ABI1: variants seen among roughly 807,000 people sequenced by gnomAD.
The protein encoded by ABI1 is Abelson interactor 1.
ABI1 carries 14 observed loss-of-function variants against 54.6 expected under a neutral mutation model. The ratio of observed to expected loss-of-function variants is 0.26; its 90% CI spans 0.17 to 0.40. ABI1 has a LOEUF of 0.40. Among genes scored for constraint, ABI1 ranks in the 10% least tolerant of loss-of-function variants. ABI1 has a pLI of 1.00. For missense variants in ABI1, 443 were observed against 598.3 expected (o/e 0.74, Z 2.71); for synonymous variants, 194 against 209.3 (o/e 0.93, Z 0.63).
intron 1 of ABI1, among the ~76,000 whole-genome samples, chr10:26,825,694 T>C (rs1320626274): frequency 6.6e-6 from 1 of 151,960 alleles, no homozygotes; most frequent in Non-Finnish European, 1.5e-5. Context: ...TTTTAATGAG[T>C]CAATCCTTTC....
chr10:26,848,303 A>G (rs1291787987), intron 1 of ABI1, among the ~76,000 whole-genome samples: 1 of 151,896 alleles, frequency 6.6e-6, no homozygotes, highest in Non-Finnish European at 1.5e-5. Context: ...ATTTCTTCAC[A>G]TCTAATTTGG....
intron 1 of ABI1, among the ~76,000 whole-genome samples, chr10:26,826,336 G>C (rs192573430): frequency 2.6e-5 from 4 of 152,126 alleles, no homozygotes; most frequent in Non-Finnish European, 5.9e-5. Flanking sequence ...CTTTTTATCC[G>C]AGCAGGTCTC....
At chr10:26,777,927 T>C (rs1321395578) in intron 2 of ABI1, among the ~76,000 whole-genome samples, 2 of 152,088 alleles carry the variant, frequency 1.3e-5, no homozygotes, top group African/African-American at 4.8e-5. Context: ...TAATGACATA[T>C]GCACAGTTCA....
intron 1 of ABI1, among the ~76,000 whole-genome samples, chr10:26,825,399 G>A (rs1336212983): frequency 1.3e-5 from 2 of 152,082 alleles, no homozygotes; most frequent in Non-Finnish European, 2.9e-5. Context: ...CATGGCTCAC[G>A]CCTGTAATCC....
At chr10:26,809,283 AATTACTAGTC>A (rs1457544036) in intron 2 of ABI1, among the ~76,000 whole-genome samples, 1 of 151,884 alleles carries the variant, frequency 6.6e-6, no homozygotes, top group East Asian at 1.9e-4. Flanking sequence ...AAAAAAAAAA[AATTACTAGTC>A]CTCACAGTAA....
At chr10:26,816,850 T>C (rs1428168699) in intron 2 of ABI1, among the ~76,000 whole-genome samples, 2 of 152,316 alleles carry the variant, frequency 1.3e-5, no homozygotes, top group African/African-American at 4.8e-5. Flanking sequence ...CCATTTTTTA[T>C]AATCTCCAAT....
At position 26,755,686 on chromosome 10, in the gene ABI1, G is replaced by A. The variant is rs1394593062; in HGVS notation, c.1053C>T (p.Leu351=). ...PMPQLTPQIP[L]TGFVARVQEN... is the part of the protein sequence containing the mutation. ...CCTGCACCCTGGCCACGAAGCCTGT[G>A]AGAGGTATCTGTGGAGTCAACTGAG... Residue 351 remains leucine, a synonymous_variant, in exon 9 of 11, where the codon CTC becomes CTT. Transcript: ENST00000376140. The A allele has an allele frequency of 6.2e-7, 1 of 1,613,672 alleles. No individual in the cohort carries two copies. Among genetic ancestry groups the A allele is most frequent in the Admixed American group, 1.7e-5 (1 of 59,986 alleles).
At chr10:26,754,948 C>G (rs1052340501) in intron 9 of ABI1, among the ~76,000 whole-genome samples, 11 of 146,702 alleles carry the variant, frequency 7.5e-5, no homozygotes, top group African/African-American at 2.4e-4. Flanking sequence ...CTTCTCCCCC[C>G]CCACAAAAAA....
rs72629735 is a variant in ABI1, at chr10:26,844,037, A to G, written c.117+16710T>C. On this transcript the variant is annotated intron_variant, in intron 1 of 10. Transcript: ENST00000376140. Reference sequence around the variant, plus strand: ...GTGTTAAATTTAAAACACGGTTTCTATTTTCAAATCTGGGAAACACTGATC... The same window carrying G: ...GTGTTAAATTTAAAACACGGTTTCTGTTTTCAAATCTGGGAAACACTGATC... 0.018 allele frequency among the ~76,000 whole-genome samples: 2,716 copies of G among 152,248 alleles called. 192 individuals are homozygous for G. In the South Asian group the frequency reaches 0.19, roughly 11 times the overall value.
intron 3 of ABI1, 130 bp downstream of exon 3, chr10:26,776,935 A>T: frequency 1.2e-6 from 1 of 828,516 alleles, no homozygotes; most frequent in Non-Finnish European, 1.8e-6. Flanking sequence ...TTCATATTAA[A>T]TATTGTATGA....
At chr10:26,843,330 T>C (rs2049677467) in intron 1 of ABI1, among the ~76,000 whole-genome samples, 5 of 150,582 alleles carry the variant, frequency 3.3e-5, no homozygotes, top group East Asian at 2.0e-4. Flanking sequence ...GGCATGCACC[T>C]GTAGTCCCAG....
intron 1 of ABI1, among the ~76,000 whole-genome samples, chr10:26,848,586 T>C (rs2050161585): frequency 6.7e-6 from 1 of 148,644 alleles, no homozygotes; most frequent in Non-Finnish European, 1.5e-5. Context: ...ATTAGCACAG[T>C]ATGCAATATA....
At chr10:26,835,110 A>C (rs887351724) in intron 1 of ABI1, among the ~76,000 whole-genome samples, 10 of 146,974 alleles carry the variant, frequency 6.8e-5, no homozygotes, top group African/African-American at 1.0e-4. Context: ...AAAAAAAAAA[A>C]AAAAACCCAC....
rs994406346 is a variant in ABI1 at position 26,860,381 on chromosome 10, G to A, written c.117+366C>T. On this transcript the variant is annotated intron_variant, in intron 1 of 10. Transcript: ENST00000376140. This position sits in a 1 kb window ranked among gnomAD's most constrained non-coding sequence, Gnocchi z 4.1. Reference sequence around the variant, plus strand: ...GCGGCGGCAGCTCGGGGGTATTCCGGGACTCCAGCCCTGCGGACTGGAGGC... The same window carrying A: ...GCGGCGGCAGCTCGGGGGTATTCCGAGACTCCAGCCCTGCGGACTGGAGGC... 2.0e-5 allele frequency among the ~76,000 whole-genome samples: 3 copies of A among 152,040 alleles called. No homozygotes were observed. Among genetic ancestry groups the A allele is most frequent in the African/African-American group, 4.8e-5 (2 of 41,396 alleles).
intron 1 of ABI1, among the ~76,000 whole-genome samples, chr10:26,851,757 G>A (rs1177481124): frequency 6.6e-6 from 1 of 151,948 alleles, no homozygotes; most frequent in African/African-American, 2.4e-5. Flanking sequence ...AGAATAGGGT[G>A]AGCGAGGATA....
intron 2 of ABI1, among the ~76,000 whole-genome samples, chr10:26,808,877 G>T (rs193266238): frequency 6.3e-4 from 96 of 152,086 alleles, no homozygotes; most frequent in African/African-American, 2.1e-3. Flanking sequence ...AGGAGTAGGG[G>T]AGAAGGGGGA....
At chr10:26,823,916 C>G (rs2048144322) in intron 1 of ABI1, among the ~76,000 whole-genome samples, 1 of 151,356 alleles carries the variant, frequency 6.6e-6, no homozygotes, top group Non-Finnish European at 1.5e-5. Flanking sequence ...GAAGGGGAAT[C>G]AACAACTTAC....
chr10:26,807,783 A>G (rs2046967724), intron 2 of ABI1, among the ~76,000 whole-genome samples: 1 of 152,178 alleles, frequency 6.6e-6, no homozygotes, highest in Admixed American at 6.5e-5. Flanking sequence ...AGCATGGTGC[A>G]AAACTAGCTA....
chr10:26,789,373 A>G (rs1347454466), intron 2 of ABI1, among the ~76,000 whole-genome samples: 1 of 152,216 alleles, frequency 6.6e-6, no homozygotes, highest in Non-Finnish European at 1.5e-5. Flanking sequence ...AGGGGGAATC[A>G]CCTTTTAAAG....
Sources: allele counts gnomAD v4.1 joint callset (sites outside exome capture counted in the v4.1 genomes callset), GRCh38; gene constraint gnomAD v4.1.1; non-coding constraint Gnocchi (gnomAD v3.1); transcripts MANE v1.5; gene names NCBI Gene and HGNC (gene_info 2026-07-23, HGNC 2026-07-21).